The following NRXN1 variants were observed in gnomAD, a reference collection of about 807,000 sequenced individuals.
NRXN1 encodes neurexin-1.
A neutral mutation model predicts 150.9 loss-of-function variants in NRXN1; 39 were observed. The ratio of observed to expected loss-of-function variants is 0.26; its 90% CI spans 0.20 to 0.34. The LOEUF is 0.34. Among genes scored for constraint, NRXN1 ranks in the 10% least tolerant of loss-of-function variants. The pLI is 1.00. For synonymous variants in NRXN1, 924 were observed against 757.0 expected (o/e 1.22, Z -3.62); for missense variants, 1,815 against 1,949.9 (o/e 0.93, Z 1.30).
chr2:50,465,303 T>C, intron 17 of NRXN1, 139 bp downstream of exon 17: 1 of 718,706 alleles, frequency 1.4e-6, no homozygotes. Flanking sequence ...GTCCTTTCCG[T>C]AGAAACAACT....
chr2:50,769,536 T>C (rs1160224229), intron 5 of NRXN1, among the ~76,000 whole-genome samples: 1 of 152,054 alleles, frequency 6.6e-6, no homozygotes, highest in African/African-American at 2.4e-5. Flanking sequence ...CCTGTATTTG[T>C]TTTCCCAAGG....
At chr2:50,963,680 T>C (rs570799578) in intron 2 of NRXN1, among the ~76,000 whole-genome samples, 1 of 151,738 alleles carries the variant, frequency 6.6e-6, no homozygotes, top group Admixed American at 6.6e-5. Flanking sequence ...CAAGATACGG[T>C]GATTTTTCCC....
chr2:50,646,956 A>G (rs1285721561), intron 5 of NRXN1, among the ~76,000 whole-genome samples: 1 of 151,852 alleles, frequency 6.6e-6, no homozygotes, highest in Non-Finnish European at 1.5e-5. Flanking sequence ...TTTCCTACAG[A>G]GAATATTTCT....
intron 12 of NRXN1, among the ~76,000 whole-genome samples, chr2:50,521,847 A>G (rs2092796992): frequency 6.6e-6 from 1 of 152,168 alleles, no homozygotes; most frequent in Non-Finnish European, 1.5e-5. Flanking sequence ...ATCCAATTGG[A>G]TCCAGCAACT....
chr2:50,092,804 C>T (rs1699762787), intron 18 of NRXN1, among the ~76,000 whole-genome samples: 1 of 152,076 alleles, frequency 6.6e-6, no homozygotes, highest in Non-Finnish European at 1.5e-5. Flanking sequence ...TGGTTTTCTT[C>T]CCCCTGGGTT....
intron 5 of NRXN1, among the ~76,000 whole-genome samples, chr2:50,738,697 TA>T (rs1283167946): frequency 6.6e-6 from 1 of 152,144 alleles, no homozygotes; most frequent in African/African-American, 2.4e-5. Flanking sequence ...AATGTTTCAA[TA>T]ACCACATATT....
chr2:49,957,860 C>T (rs934436691), intron 21 of NRXN1, among the ~76,000 whole-genome samples: 14 of 152,224 alleles, frequency 9.2e-5, no homozygotes, highest in Admixed American at 2.6e-4. Flanking sequence ...ATCCAGTTGG[C>T]GTCTTGCTCC....
chr2:50,515,927 T>C (rs1011135574), intron 12 of NRXN1, among the ~76,000 whole-genome samples: 84 of 152,292 alleles, frequency 5.5e-4, no homozygotes, highest in African/African-American at 2.0e-3. Flanking sequence ...TATGACACCT[T>C]CAGCCTACTA....
chr2:50,248,497 G>C (rs539956935), intron 17 of NRXN1, among the ~76,000 whole-genome samples: 2 of 152,186 alleles, frequency 1.3e-5, no homozygotes, highest in South Asian at 4.1e-4. Context: ...TTAACGCAGA[G>C]CTCTTTGTAA....
intron 5 of NRXN1, among the ~76,000 whole-genome samples, chr2:50,873,686 T>C (rs187611179): frequency 1.8e-4 from 28 of 151,966 alleles, no homozygotes; most frequent in Middle Eastern, 3.4e-3. Flanking sequence ...CTGCAAAAGA[T>C]TGAGTAATTT....
chr2:50,432,686 A>AT (rs1407249978), intron 17 of NRXN1, among the ~76,000 whole-genome samples: 2 of 151,856 alleles, frequency 1.3e-5, no homozygotes, highest in Admixed American at 1.3e-4. Context: ...CTTTCATGTC[A>AT]TTTTTTTCTA....
chr2:50,857,452 A>G (rs1269534509), intron 5 of NRXN1, among the ~76,000 whole-genome samples: 2 of 152,060 alleles, frequency 1.3e-5, no homozygotes, highest in Non-Finnish European at 2.9e-5. Flanking sequence ...TTTGTAGAGG[A>G]TGATCACTGG....
chr2:49,938,134 G>A (rs1251935770), intron 22 of NRXN1, among the ~76,000 whole-genome samples: 1 of 152,124 alleles, frequency 6.6e-6, no homozygotes, highest in Non-Finnish European at 1.5e-5. Flanking sequence ...ATATTTGTGA[G>A]GTGCCTGAAT....
At chr2:50,221,631 C>G (rs1158802297) in intron 18 of NRXN1, among the ~76,000 whole-genome samples, 1 of 150,226 alleles carries the variant, frequency 6.7e-6, no homozygotes, top group Non-Finnish European at 1.5e-5. Flanking sequence ...GTTCTCACTG[C>G]TAACTGTAAT....
chr2:50,100,388 C>T (rs1700829980), intron 18 of NRXN1, among the ~76,000 whole-genome samples: 2 of 152,068 alleles, frequency 1.3e-5, no homozygotes, highest in African/African-American at 2.4e-5. Context: ...TCTATTTCCT[C>T]ATTGTCTCTC....
At chr2:50,705,900 G>T (rs1694366230) in intron 5 of NRXN1, among the ~76,000 whole-genome samples, 2 of 152,118 alleles carry the variant, frequency 1.3e-5, no homozygotes, top group Non-Finnish European at 2.9e-5. Context: ...AACAATCAGA[G>T]GCTCTCCTAC....
intron 2 of NRXN1, among the ~76,000 whole-genome samples, chr2:50,996,434 T>G: frequency 6.6e-6 from 1 of 152,078 alleles, no homozygotes; most frequent in East Asian, 1.9e-4. Flanking sequence ...TTAAACCAGC[T>G]TAACTTTTAC....
intron 17 of NRXN1, among the ~76,000 whole-genome samples, chr2:50,288,374 G>T (rs990563064): frequency 7.9e-5 from 12 of 151,970 alleles, no homozygotes; most frequent in African/African-American, 2.9e-4. Context: ...ACACAGCAAA[G>T]AATTACCCAC....
At chr2:50,945,079 G>T (rs895080686) in intron 2 of NRXN1, among the ~76,000 whole-genome samples, 10 of 152,136 alleles carry the variant, frequency 6.6e-5, no homozygotes, top group Admixed American at 6.6e-4. Flanking sequence ...TTTCTACAAA[G>T]GGCCAGATAG....
Sources: gnomAD v4.1 joint callset for allele counts (sites outside exome capture counted in the v4.1 genomes callset) on GRCh38, gnomAD v4.1.1 for gene constraint, MANE v1.5 for transcripts, NCBI Gene and HGNC (gene_info 2026-07-23, HGNC 2026-07-21) for gene names.